Variants in DDX25 observed in about 807,000 individuals in gnomAD.
DDX25 encodes the protein DEAD-box helicase 25.
In DDX25, 70 loss-of-function variants were observed where a neutral mutation model predicts 64.6. The ratio of observed to expected loss-of-function variants is 1.08; its 90% CI spans 0.89 to 1.32. The LOEUF is 1.32. Among genes scored for constraint, DDX25 ranks in the 40% most tolerant of loss-of-function variants. DDX25 has a pLI of 0.00. For synonymous variants in DDX25, 211 were observed against 213.3 expected, an observed-to-expected ratio of 0.99 and a Z score of 0.09; for missense variants, 587 against 604.4, an observed-to-expected ratio of 0.97 and a Z score of 0.30.
Position 125,921,249 on chromosome 11 carries a change from A to T in DDX25, c.1260A>T (p.Gly420=). ...VVNFDLPVKQ[G]EEPDYETYLH... ...ACTTTGATCTCCCTGTAAAACAAGG[A>T]GAGGAGCCGGACTATGAGACCTACC... Residue 420 remains glycine, a synonymous_variant, in exon 11 of 12, where the codon GGA becomes GGT. Coordinates refer to ENST00000263576, the MANE Select transcript of DDX25 (RefSeq NM_013264.5). The surrounding 1 kb of genome is among the most constrained non-coding windows in gnomAD (Gnocchi z 4.1). 2 of 1,613,042 alleles carry T rather than the reference A, an allele frequency of 1.2e-6. No homozygotes were observed. Among genetic ancestry groups the T allele is most frequent in the Non-Finnish European group, 1.7e-6 (2 of 1,179,618 alleles).
At chr11:125,918,541 C>T in intron 9 of DDX25, 87 bp from the exon 10 acceptor site, 1 of 1,514,688 alleles carries the variant, frequency 6.6e-7, no homozygotes, top group Non-Finnish European at 8.9e-7. Context: ...TCTCCCACCC[C>T]CGCCCTGCAT....
At chr11:125,905,419 G>A (rs561112517) in intron 2 of DDX25, 134 bp from the exon 3 acceptor site, 38 of 1,333,888 alleles carry the variant, frequency 2.8e-5, no homozygotes, top group Non-Finnish European at 3.6e-5. Context: ...CAATCGTTTC[G>A]TCCATTCCTC....
In DDX25 at chr11:125,906,265, G is replaced by A. The variant is rs1190192591; in HGVS notation, c.311+56G>A. On this transcript the variant is annotated intron_variant, in intron 4 of 11. Transcript: ENST00000263576. The stretch of plus-strand genomic sequence containing the variant: ...AAATGCTGAAAACCACAGAACAAAC[G>A]CATCTGCTTATAGTAAAAACCATCA... The A allele has an allele frequency of 1.3e-5, 19 of 1,479,900 alleles. No homozygotes were observed. In the African/African-American group the frequency reaches 1.6e-4, roughly 12 times the overall value. 91.7% of individuals were successfully genotyped at this position (1,479,900 alleles called of 1,614,324 possible).
intron 4 of DDX25, 130 bp from the exon 5 acceptor site, chr11:125,908,066 C>T: frequency 1.4e-6 from 1 of 698,908 alleles, no homozygotes; most frequent in Non-Finnish European, 2.4e-6. Flanking sequence ...TATGAATGAT[C>T]TATCTCCAAA....
At chr11:125,918,999 T>C (rs769679946) in intron 10 of DDX25, among the ~76,000 whole-genome samples, 8 of 152,156 alleles carry the variant, frequency 5.3e-5, no homozygotes, top group Non-Finnish European at 1.0e-4. Flanking sequence ...CAACTACTGA[T>C]CAGATTTCTG....
In DDX25 at chr11:125,922,889, A is replaced by C; in HGVS notation, c.*8A>C. 6.2e-7 allele frequency: 1 copy of C among 1,601,792 alleles called. No homozygotes were observed. Among genetic ancestry groups the C allele is most frequent in the Non-Finnish European group, 8.5e-7 (1 of 1,173,146 alleles). ...GAAAAGATTGACTATTGAAGAAAGAACTTTATTGTTTGTGCAGTATCCTAG... is the reference window on the plus strand; with the variant it reads ...GAAAAGATTGACTATTGAAGAAAGACCTTTATTGTTTGTGCAGTATCCTAG... On this transcript the variant is annotated 3_prime_UTR_variant, in exon 12 of 12. Transcript: ENST00000263576.
Position 125,917,217 on chromosome 11 carries a change from G to A in DDX25, c.1004G>A (p.Ser335Asn). ...KYQALCNIYGSITIGQAIIFC... is the reference protein window; with the variant it reads ...KYQALCNIYGNITIGQAIIFC... ...CAAGCTCTGTGCAACATTTATGGCA[G>A]CATCACCATTGGTCAGGCCATCATC... Residue 335 changes from serine to asparagine, a missense_variant, in exon 9 of 12, where the codon AGC becomes AAC. Ser to Asn is a conservative substitution (Grantham distance 46). Coordinates refer to ENST00000263576, the MANE Select transcript of DDX25 (RefSeq NM_013264.5). 6.2e-7 allele frequency: 1 copy of A among 1,609,136 alleles called. No individual in the cohort carries two copies. The highest frequency in any genetic ancestry group is 8.5e-7 in the Non-Finnish European group (1 of 1,177,968).
At chr11:125,914,667 A>G (rs1311389959) in intron 8 of DDX25, among the ~76,000 whole-genome samples, 2 of 152,180 alleles carry the variant, frequency 1.3e-5, no homozygotes. Context: ...CCTCTTACCA[A>G]TAAGTTGGTT....
intron 2 of DDX25, 130 bp from the exon 3 acceptor site, chr11:125,905,423 A>G (rs960155983): frequency 2.7e-5 from 36 of 1,335,284 alleles, no homozygotes; most frequent in African/African-American, 2.5e-4. Flanking sequence ...CGTTTCGTCC[A>G]TTCCTCCATG....
At chr11:125,904,403 G>A, upstream of DDX25, 1 of 1,036,308 alleles carries the variant, frequency 9.6e-7, no homozygotes, top group Non-Finnish European at 1.3e-6. Context: ...GTGGTCGCGG[G>A]CGCGGACGCG....
At chr11:125,908,129 C>T in intron 4 of DDX25, 67 bp from the exon 5 acceptor site, 1 of 1,281,386 alleles carries the variant, frequency 7.8e-7, no homozygotes, top group South Asian at 1.4e-5. Context: ...ATGCACCTTT[C>T]AGGTATGTAT....
At chr11:125,904,433 A>G (rs1283867352), upstream of DDX25, 5 of 1,262,130 alleles carry the variant, frequency 4.0e-6, no homozygotes, top group Non-Finnish European at 4.1e-6. Flanking sequence ...CCCCTAAGGA[A>G]GCCCATTGGC....
Position 125,907,047 on chromosome 11 carries a change from A to G in DDX25, c.311+838A>G, listed in dbSNP as rs1042365293. Among the ~76,000 whole-genome samples, 20 of 152,280 alleles carry G rather than the reference A, an allele frequency of 1.3e-4. No homozygotes were observed. In the East Asian group the frequency reaches 3.5e-3, roughly 26 times the overall value. On this transcript the variant is annotated intron_variant, in intron 4 of 11. Transcript: ENST00000263576. ...CACTATAGATAAGTCACAAACTTTT[A>G]CTTTCCTGATTATATTTTGTTTCAA...
rs189922669 is a variant in DDX25 at position 125,914,069 on chromosome 11, G to C, written c.800+2581G>C. On this transcript the variant is annotated intron_variant, in intron 8 of 11. Coordinates refer to ENST00000263576, the MANE Select transcript of DDX25 (RefSeq NM_013264.5). The stretch of plus-strand genomic sequence containing the variant: ...ATGCAGTATCTTCAGTTGTCTCTCT[G>C]AGAACATTAATTCTAGTATTTAAAA... Among the ~76,000 whole-genome samples, 9 of 152,198 alleles carry C rather than the reference G, an allele frequency of 5.9e-5. No individual in the cohort carries two copies. The East Asian group carries it at 1.7e-3, about 29-fold the overall frequency.
intron 8 of DDX25, among the ~76,000 whole-genome samples, chr11:125,916,668 C>T (rs568713835): frequency 6.6e-6 from 1 of 152,218 alleles, no homozygotes; most frequent in Non-Finnish European, 1.5e-5. Context: ...TCTCCATTTA[C>T]CTTTGTGTGA....
rs1291085064 is a variant in DDX25 at position 125,925,233 on chromosome 11, A to C, written c.*2352A>C. 1.1e-5 allele frequency: 4 copies of C among 356,492 alleles called. No homozygotes were observed. Among genetic ancestry groups the C allele is most frequent in the Non-Finnish European group, 2.3e-5 (4 of 177,328 alleles). The allele number at this position is 356,492 out of a possible 1,614,324, so 22.1% of individuals were successfully genotyped here. On this transcript the variant is annotated 3_prime_UTR_variant, in exon 12 of 12. Transcript: ENST00000263576. ...CTTTACAGTTCAAATCTCTGGTAAG[A>C]TCTCCGCCAGTTACCCTCACAAATG...
rs958954932 is a variant in DDX25, at chr11:125,921,587, A to C, written c.1390+208A>C. On this transcript the variant is annotated intron_variant, in intron 11 of 11. Coordinates refer to ENST00000263576, the MANE Select transcript of DDX25 (RefSeq NM_013264.5). The surrounding 1 kb of genome is among the most constrained non-coding windows in gnomAD (Gnocchi z 4.1). ...ATGGTAATTAAAAATTATTTTGATC[A>C]AGCAGAATTAATATGAGCTCAGGCC... 5.1e-6 allele frequency: 3 copies of C among 587,054 alleles called. No individual in the cohort carries two copies. Among genetic ancestry groups the C allele is most frequent in the African/African-American group, 1.9e-5 (1 of 53,938 alleles). The allele number at this position is 587,054 out of a possible 1,614,324, so 36.4% of individuals were successfully genotyped here. A position where few individuals can be genotyped will look rare whatever the true frequency, so the allele number is the denominator to read the frequency against.
Position 125,928,188 on chromosome 11 carries a change from T to C in DDX25, c.*5307T>C, listed in dbSNP as rs1002197398. On this transcript the variant is annotated 3_prime_UTR_variant, in exon 12 of 12. Transcript: ENST00000263576. The stretch of plus-strand genomic sequence containing the variant: ...AATCCAATGACTTTATCATAAAAAT[T>C]ATCAGCTTGATATAGTCCTGTTCTT... The C allele has an allele frequency of 6.6e-6, 1 of 152,254 alleles. No homozygotes were observed. Among genetic ancestry groups the C allele is most frequent in the Non-Finnish European group, 1.5e-5 (1 of 68,044 alleles). The allele number at this position is 152,254 out of a possible 1,614,324, so 9.4% of individuals were successfully genotyped here.
At chr11:125,906,300 C>CT in intron 4 of DDX25, 91 bp downstream of exon 4, 5 of 1,367,580 alleles carry the variant, frequency 3.7e-6, no homozygotes, top group Middle Eastern at 1.9e-4. Flanking sequence ...AGGATCTCCT[C>CT]TTTGTTTTCT....
Sources: allele counts gnomAD v4.1 joint callset (sites outside exome capture counted in the v4.1 genomes callset), GRCh38; gene constraint gnomAD v4.1.1; non-coding constraint Gnocchi (gnomAD v3.1); transcripts MANE v1.5; gene names NCBI Gene and HGNC (gene_info 2026-07-23, HGNC 2026-07-21).